The following PPEF1 variants were observed in gnomAD, a reference collection of about 807,000 sequenced individuals.
The protein encoded by PPEF1 is serine/threonine-protein phosphatase with EF-hands 1.
Under a neutral mutation model 53.3 loss-of-function variants are expected in PPEF1, and 12 were observed. That is an observed-to-expected ratio of 0.23 (90% confidence interval 0.14 to 0.36). PPEF1 has a LOEUF of 0.36. Among genes scored for constraint, PPEF1 ranks in the 10% least tolerant of loss-of-function variants. The probability of loss-of-function intolerance (pLI) is 1.00; values close to 1 mark genes in which losing one functional copy is unlikely to be tolerated. For missense variants in PPEF1, 334 were observed against 490.4 expected, an observed-to-expected ratio of 0.68 and a Z score of 3.01; for synonymous variants, 165 against 176.7, an observed-to-expected ratio of 0.93 and a Z score of 0.52.
intron 1 of PPEF1, among the ~76,000 whole-genome samples, chrX:18,676,973 C>T (rs1323579453): frequency 1.6e-4 from 18 of 110,565 alleles, no homozygotes; most frequent in African/African-American, 5.6e-4. Context: ...TCCTTTTCTC[C>T]ATTCCAGGAG....
intron 3 of PPEF1, among the ~76,000 whole-genome samples, chrX:18,737,546 A>G (rs1262899213): frequency 1.8e-5 from 2 of 111,720 alleles, no homozygotes; most frequent in Admixed American, 9.5e-5. Flanking sequence ...ACTTCCAACT[A>G]TGTGGTCAGT....
chrX:18,707,845 C>T lies in PPEF1; in HGVS notation c.46+19C>T. On this transcript the variant is annotated intron_variant, in intron 1 of 15. Transcript: ENST00000470157. ...GACACATGTGAGTACTGGGAATGTGCCTGTGGTTATGAATGAAAAGGGGAA... is the reference window on the plus strand; with the variant it reads ...GACACATGTGAGTACTGGGAATGTGTCTGTGGTTATGAATGAAAAGGGGAA... The T allele has an allele frequency of 1.7e-6, 2 of 1,195,168 alleles. No homozygotes were observed. The highest frequency in any genetic ancestry group is 3.6e-5 in the South Asian group (2 of 56,170).
exon 2 of PPEF1, among the ~76,000 whole-genome samples, chrX:18,684,762 G>A (rs1235344258): frequency 9.0e-6 from 1 of 110,774 alleles, no homozygotes; most frequent in Non-Finnish European, 1.9e-5. Flanking sequence ...AAGTAGCTGG[G>A]ATTCCAGGTA....
chrX:18,724,308 C>T (rs181750364), intron 1 of PPEF1, among the ~76,000 whole-genome samples: 5 of 111,611 alleles, frequency 4.5e-5, no homozygotes, highest in Non-Finnish European at 7.5e-5. Flanking sequence ...AATCAAATCA[C>T]GTTGAAGTAG....
chrX:18,760,615 G>A (rs1247268527), intron 5 of PPEF1, among the ~76,000 whole-genome samples: 1 of 108,289 alleles, frequency 9.2e-6, no homozygotes, highest in Admixed American at 9.9e-5. Context: ...TTTGTTTTTC[G>A]TTTTATTTTT....
chrX:18,762,114 A>G (rs2045679337), intron 6 of PPEF1, among the ~76,000 whole-genome samples: 1 of 111,637 alleles, frequency 9.0e-6, no homozygotes. Context: ...GCCAGCACAG[A>G]GGGCACAAGA....
intron 1 of PPEF1, among the ~76,000 whole-genome samples, chrX:18,715,353 G>A (rs911840971): frequency 9.0e-6 from 1 of 111,519 alleles, no homozygotes; most frequent in Non-Finnish European, 1.9e-5. Flanking sequence ...TCAACATGGT[G>A]AGACACTGTC....
At chrX:18,706,482 C>T (rs1390408381), upstream of PPEF1, among the ~76,000 whole-genome samples, 17 of 110,729 alleles carry the variant, frequency 1.5e-4, no homozygotes, top group Admixed American at 1.5e-3. Flanking sequence ...CGGTGGCTCA[C>T]GCCTGTCATC....
At chrX:18,825,126 T>A (rs958080260) in intron 14 of PPEF1, among the ~76,000 whole-genome samples, 8 of 112,191 alleles carry the variant, frequency 7.1e-5, no homozygotes, top group Non-Finnish European at 1.5e-4. Flanking sequence ...ATTTATCAGA[T>A]CCCCATACTT....
At chrX:18,796,112 C>T (rs1402737892) in intron 10 of PPEF1, among the ~76,000 whole-genome samples, 2 of 112,192 alleles carry the variant, frequency 1.8e-5, no homozygotes, top group African/African-American at 6.5e-5. Flanking sequence ...TGTGCCACCA[C>T]GCCCAGCTAA....
chrX:18,709,920 G>A (rs1048724233), intron 1 of PPEF1, among the ~76,000 whole-genome samples: 2 of 112,105 alleles, frequency 1.8e-5, no homozygotes, highest in African/African-American at 6.5e-5. Flanking sequence ...AACATTTTGA[G>A]AAATTTCCAA....
At chrX:18,714,269 GTTTTTTTGTTT>G (rs2044395131) in intron 1 of PPEF1, among the ~76,000 whole-genome samples, 2 of 61,950 alleles carry the variant, frequency 3.2e-5, no homozygotes, top group South Asian at 1.6e-3. Flanking sequence ...TTTGTTTTTC[GTTTTTTTGTTT>G]TTTTTTTTTG....
chrX:18,706,818 C>CTTTTTT (rs767459911), upstream of PPEF1, among the ~76,000 whole-genome samples: 6 of 46,299 alleles, frequency 1.3e-4, no homozygotes, highest in Non-Finnish European at 2.5e-4. Context: ...TTCAAACCTC[C>CTTTTTT]TTTTTTTTTT....
At chrX:18,717,961 A>G (rs1398351966) in intron 1 of PPEF1, among the ~76,000 whole-genome samples, 1 of 111,662 alleles carries the variant, frequency 9.0e-6, no homozygotes, top group East Asian at 2.8e-4. Context: ...TTCTTTGTAA[A>G]AGGAGACCAT....
intron 5 of PPEF1, 70 bp downstream of exon 5, chrX:18,757,811 T>A: frequency 1.3e-6 from 1 of 753,973 alleles, no homozygotes; most frequent in Non-Finnish European, 2.0e-6. Context: ...TTGCCTAACT[T>A]GAAAACTGTG....
At chrX:18,824,194 C>A in intron 14 of PPEF1, 108 bp downstream of exon 14, 1 of 852,118 alleles carries the variant, frequency 1.2e-6, no homozygotes, top group Non-Finnish European at 1.6e-6. Context: ...GTAATCCCAG[C>A]ACTTTCGGAG....
chrX:18,821,331 G>A (rs912071693), intron 13 of PPEF1, among the ~76,000 whole-genome samples: 9 of 111,062 alleles, frequency 8.1e-5, no homozygotes, highest in Admixed American at 2.9e-4. Flanking sequence ...GAATTTATGG[G>A]ATGCAAATTA....
intron 6 of PPEF1, among the ~76,000 whole-genome samples, chrX:18,775,691 G>T (rs1397368391): frequency 8.9e-6 from 1 of 111,805 alleles, no homozygotes; most frequent in Non-Finnish European, 1.9e-5. Context: ...AGATCTGATT[G>T]GTCTGTCTCT....
intron 4 of PPEF1, among the ~76,000 whole-genome samples, chrX:18,751,906 A>G (rs758964513): frequency 9.7e-4 from 109 of 112,613 alleles, no homozygotes; most frequent in Non-Finnish European, 1.9e-3. Context: ...GTAGCTTTGT[A>G]GTAAGTTTTG....
Sources: allele counts gnomAD v4.1 joint callset (sites outside exome capture counted in the v4.1 genomes callset), GRCh38; gene constraint gnomAD v4.1.1; transcripts MANE v1.5; gene names NCBI Gene and HGNC (gene_info 2026-07-23, HGNC 2026-07-21).